The following PRLR variants were observed in gnomAD, a reference collection of about 807,000 sequenced individuals.
PRLR encodes hPRL receptor.
In PRLR, 13 loss-of-function variants were observed where a neutral mutation model predicts 40.2. That is an observed-to-expected ratio of 0.32 (90% confidence interval 0.21 to 0.51). The LOEUF is 0.51. PRLR is among the 20% of genes least tolerant of loss of function. PRLR has a pLI of 0.97. For synonymous variants in PRLR, 269 were observed against 278.7 expected, an observed-to-expected ratio of 0.97 and a Z score of 0.35; for missense variants, 656 against 747.3, an observed-to-expected ratio of 0.88 and a Z score of 1.42.
chr5:35,089,357 G>A (rs1771062149), intron 3 of PRLR, among the ~76,000 whole-genome samples, 194 bp downstream of exon 3: 1 of 152,150 alleles, frequency 6.6e-6, no homozygotes, highest in South Asian at 2.1e-4. Context: ...AGAGCACAGT[G>A]ACAAGATTTT....
intron 1 of PRLR, chr5:35,135,203 A>T (rs1208737826): frequency 6.6e-6 from 1 of 152,160 alleles, no homozygotes; most frequent in Non-Finnish European, 1.5e-5. Flanking sequence ...TCCTAGGGAA[A>T]TCAGCTAAGG....
rs1485250955 is a variant in PRLR, at chr5:35,197,610, A to G, written c.-106+32658T>C. On this transcript the variant is annotated intron_variant, in intron 1 of 9. Coordinates refer to ENST00000618457, the MANE Select transcript of PRLR (RefSeq NM_000949.7). ...CACCTGTTCAGTCCTTGAGGCTGAT[A>G]TAGTAATTGATGGACCTACAGGCCT... Among the ~76,000 whole-genome samples, 7 of 152,312 alleles carry G rather than the reference A, an allele frequency of 4.6e-5. No homozygotes were observed. In the South Asian group the frequency reaches 6.2e-4, roughly 14 times the overall value.
intron 1 of PRLR, among the ~76,000 whole-genome samples, chr5:35,156,325 T>C (rs1774505382): frequency 6.6e-6 from 1 of 152,170 alleles, no homozygotes; most frequent in Non-Finnish European, 1.5e-5. Flanking sequence ...TGGATAAATG[T>C]CTGCGTTAGC....
intron 1 of PRLR, among the ~76,000 whole-genome samples, chr5:35,125,137 G>A (rs1319919377): frequency 5.3e-5 from 8 of 152,320 alleles, no homozygotes; most frequent in Middle Eastern, 3.4e-3. Flanking sequence ...CAACAGTAAA[G>A]TTTAGAGCTG....
At chr5:35,072,368 A>G (rs1002800015) in intron 6 of PRLR, among the ~76,000 whole-genome samples, 3 of 152,190 alleles carry the variant, frequency 2.0e-5, no homozygotes, top group Admixed American at 6.5e-5. Flanking sequence ...GAGCAGTACA[A>G]GAAACTAGCC....
chr5:35,190,064 G>C (rs949812448), intron 1 of PRLR, among the ~76,000 whole-genome samples: 2 of 152,162 alleles, frequency 1.3e-5, no homozygotes, highest in African/African-American at 4.8e-5. Flanking sequence ...TTGGAGGTAA[G>C]GGAGTCCATG....
At chr5:35,217,451 A>G (rs1355648861) in intron 1 of PRLR, among the ~76,000 whole-genome samples, 2 of 152,198 alleles carry the variant, frequency 1.3e-5, no homozygotes, top group South Asian at 4.1e-4. Context: ...AAATAGCCAC[A>G]TTAAATATAC....
Position 35,064,567 on chromosome 5 carries a change from T to C in PRLR, c.*522A>G, listed in dbSNP as rs1297974651. 2 of 153,952 alleles carry C rather than the reference T, an allele frequency of 1.3e-5. No homozygotes were observed. The highest frequency in any genetic ancestry group is 2.4e-5 in the African/African-American group (1 of 41,468). The allele number at this position is 153,952 out of a possible 1,614,324, so 9.5% of individuals were successfully genotyped here. On this transcript the variant is annotated 3_prime_UTR_variant, in exon 10 of 10. Transcript: ENST00000618457. ...TGTGTCAGTAAGGTATAGGAACTTATGTAAACAATTTGTTCTGGAATGCAT... is the reference window on the plus strand; with the variant it reads ...TGTGTCAGTAAGGTATAGGAACTTACGTAAACAATTTGTTCTGGAATGCAT...
In PRLR at chr5:35,211,793, A is replaced by T. The variant is rs1472493405; in HGVS notation, c.-106+18475T>A. Among the ~76,000 whole-genome samples, 5 of 152,372 alleles carry T rather than the reference A, an allele frequency of 3.3e-5. No individual in the cohort carries two copies. The South Asian group carries it at 1.0e-3, about 32-fold the overall frequency. On this transcript the variant is annotated intron_variant, in intron 1 of 9. Transcript: ENST00000618457. Reference sequence around the variant, plus strand: ...AAATGTTCAGATAAATTCATGTATAATATGATACCAGATTCATAAAATATT... The same window carrying T: ...AAATGTTCAGATAAATTCATGTATATTATGATACCAGATTCATAAAATATT...
chr5:35,139,701 A>G (rs1374765038), intron 1 of PRLR, among the ~76,000 whole-genome samples: 4 of 152,210 alleles, frequency 2.6e-5, no homozygotes, highest in Non-Finnish European at 4.4e-5. Flanking sequence ...CCATAGAATA[A>G]TTTGCATCTG....
intron 1 of PRLR, among the ~76,000 whole-genome samples, chr5:35,163,045 A>T (rs1013218756): frequency 6.6e-6 from 1 of 152,010 alleles, no homozygotes; most frequent in African/African-American, 2.4e-5. Context: ...CACTGGGAGG[A>T]ATACACACTG....
intron 1 of PRLR, among the ~76,000 whole-genome samples, chr5:35,119,678 GAACTTA>G (rs1295478210): frequency 6.6e-6 from 1 of 152,160 alleles, no homozygotes; most frequent in Non-Finnish European, 1.5e-5. Context: ...AATTATTTTA[GAACTTA>G]AAGTTCTCTC....
chr5:35,118,793 C>CT (rs549235215), intron 1 of PRLR, among the ~76,000 whole-genome samples: 81 of 145,066 alleles, frequency 5.6e-4, no homozygotes, highest in East Asian at 8.0e-4. Flanking sequence ...AGGTATGGAT[C>CT]TTTTTTTTTT....
intron 1 of PRLR, among the ~76,000 whole-genome samples, chr5:35,144,006 T>C (rs560300471): frequency 6.6e-5 from 10 of 152,204 alleles, no homozygotes; most frequent in African/African-American, 2.2e-4. Flanking sequence ...TCATGTGTTC[T>C]GTAGACATTT....
intron 2 of PRLR, among the ~76,000 whole-genome samples, chr5:35,113,739 C>T (rs1053551103): frequency 6.6e-6 from 1 of 152,230 alleles, no homozygotes; most frequent in African/African-American, 2.4e-5. Context: ...AAGGAGGACC[C>T]CTGCAGGTAC....
chr5:35,161,269 C>T (rs1002122068), intron 1 of PRLR, among the ~76,000 whole-genome samples: 4 of 152,190 alleles, frequency 2.6e-5, no homozygotes, highest in African/African-American at 9.6e-5. Flanking sequence ...TAACTCTTGT[C>T]GGTCCTTACT....
chr5:35,127,483 C>T (rs534025515), intron 1 of PRLR, among the ~76,000 whole-genome samples: 7 of 152,150 alleles, frequency 4.6e-5, no homozygotes, highest in Non-Finnish European at 7.3e-5. Context: ...ATACTAAATA[C>T]GCTTAAATCT....
intron 1 of PRLR, among the ~76,000 whole-genome samples, chr5:35,220,813 A>C (rs1271635664): frequency 6.6e-6 from 1 of 152,146 alleles, no homozygotes; most frequent in Non-Finnish European, 1.5e-5. Context: ...ACCCCAGAAA[A>C]CAAAATGCTA....
chr5:35,194,780 G>A (rs1000493920), intron 1 of PRLR, among the ~76,000 whole-genome samples: 2 of 152,082 alleles, frequency 1.3e-5, no homozygotes, highest in African/African-American at 2.4e-5. Context: ...AGGAAGGGAG[G>A]GTGATTTTTA....
Sources: allele counts gnomAD v4.1 joint callset (sites outside exome capture counted in the v4.1 genomes callset), GRCh38; gene constraint gnomAD v4.1.1; transcripts MANE v1.5; gene names NCBI Gene and HGNC (gene_info 2026-07-23, HGNC 2026-07-21).